Variants in ZBTB20 observed in about 807,000 individuals in gnomAD.
ZBTB20 encodes zinc finger and BTB domain containing 20.
A neutral mutation model predicts 56.9 loss-of-function variants in ZBTB20; 9 were observed. The ratio of observed to expected loss-of-function variants is 0.16; its 90% CI spans 0.10 to 0.28. The LOEUF (loss-of-function observed/expected upper bound fraction) is 0.28, where lower values mean the gene tolerates loss of function less well. ZBTB20 is among the 10% of genes least tolerant of loss of function. The pLI is 1.00. For synonymous variants in ZBTB20, 417 were observed against 420.7 expected (o/e 0.99, Z 0.11); for missense variants, 655 against 1,003.0 (o/e 0.65, Z 4.69).
chr3:114,681,099 A>T (rs946168902), intron 6 of ZBTB20, among the ~76,000 whole-genome samples: 12 of 152,184 alleles, frequency 7.9e-5, no homozygotes, highest in African/African-American at 2.4e-4. Context: ...ATTATCATTT[A>T]AAAACCCTTA....
rs1012318790 is a variant in ZBTB20 at position 114,985,354 on chromosome 3, T to G, written c.-506-10938A>C. 8.5e-5 allele frequency among the ~76,000 whole-genome samples: 13 copies of G among 152,216 alleles called. No homozygotes were observed. In the South Asian group the frequency reaches 2.5e-3, roughly 29 times the overall value. On this transcript the variant is annotated intron_variant, in intron 2 of 11. Coordinates refer to ENST00000675478, the MANE Select transcript of ZBTB20 (RefSeq NM_001348800.3). The stretch of plus-strand genomic sequence containing the variant: ...TTGAATCCTAGGATGAAAAATGCTC[T>G]GTCTCTCAGCATTAATGGGGCACAG...
intron 2 of ZBTB20, among the ~76,000 whole-genome samples, chr3:114,987,622 C>G (rs544231641): frequency 6.6e-6 from 1 of 152,248 alleles, no homozygotes; most frequent in South Asian, 2.1e-4. Context: ...TCCAAAATAA[C>G]ATAGGTTTGC....
chr3:114,717,752 G>T (rs1193729521), intron 5 of ZBTB20, among the ~76,000 whole-genome samples: 1 of 151,884 alleles, frequency 6.6e-6, no homozygotes, highest in Non-Finnish European at 1.5e-5. Flanking sequence ...TTCCAATCAG[G>T]CTTTTATCCG....
chr3:114,743,126 A>G (rs2066745141), intron 5 of ZBTB20, among the ~76,000 whole-genome samples: 1 of 152,174 alleles, frequency 6.6e-6, no homozygotes, highest in Admixed American at 6.5e-5. Flanking sequence ...ACCTGTTCAT[A>G]TCTATGTACA....
intron 3 of ZBTB20, among the ~76,000 whole-genome samples, chr3:114,916,219 TA>T (rs1423824216): frequency 6.6e-6 from 1 of 152,106 alleles, no homozygotes; most frequent in Non-Finnish European, 1.5e-5. Context: ...TTGCTTTATA[TA>T]TCTGGGTGCT....
At chr3:114,897,216 A>G (rs2074920169) in intron 4 of ZBTB20, among the ~76,000 whole-genome samples, 1 of 152,152 alleles carries the variant, frequency 6.6e-6, no homozygotes, top group Non-Finnish European at 1.5e-5. Context: ...ACTAATAATA[A>G]GTGGTGAAGT....
At chr3:114,630,332 C>A (rs887453256) in intron 6 of ZBTB20, among the ~76,000 whole-genome samples, 1 of 152,126 alleles carries the variant, frequency 6.6e-6, no homozygotes, top group Non-Finnish European at 1.5e-5. Context: ...AGCCATAACT[C>A]ATTGGATGGC....
intron 1 of ZBTB20, among the ~76,000 whole-genome samples, chr3:115,113,905 A>G (rs952954056): frequency 6.6e-6 from 1 of 152,144 alleles, no homozygotes; most frequent in African/African-American, 2.4e-5. Context: ...TTTGTAATCA[A>G]TTCCCTGGAT....
chr3:114,534,097 C>G (rs2048175481), intron 6 of ZBTB20, among the ~76,000 whole-genome samples: 1 of 152,132 alleles, frequency 6.6e-6, no homozygotes, highest in South Asian at 2.1e-4. Flanking sequence ...GCAACATTAC[C>G]AGCTAGCATC....
At chr3:114,979,615 T>C (rs1406774936) in intron 2 of ZBTB20, among the ~76,000 whole-genome samples, 2 of 152,062 alleles carry the variant, frequency 1.3e-5, no homozygotes, top group African/African-American at 2.4e-5. Flanking sequence ...CAAGTCTTCA[T>C]TAAATAAAAA....
At chr3:114,684,320 A>G (rs1476611896) in intron 6 of ZBTB20, among the ~76,000 whole-genome samples, 2 of 152,176 alleles carry the variant, frequency 1.3e-5, no homozygotes, top group Non-Finnish European at 2.9e-5. Context: ...GCATTTTGCC[A>G]TAATGGGGCC....
rs2054851381 is a variant in ZBTB20, at chr3:114,583,372, G to T, written c.-294-82981C>A. Among the ~76,000 whole-genome samples the T allele has an allele frequency of 2.6e-5, 4 of 152,234 alleles. 1 individual carries two copies. In the South Asian group the frequency reaches 8.3e-4, roughly 32 times the overall value. On this transcript the variant is annotated intron_variant, in intron 6 of 11. Coordinates refer to ENST00000675478, the MANE Select transcript of ZBTB20 (RefSeq NM_001348800.3). Reference sequence around the variant, plus strand: ...TATCATAACTGCAAAAAGATCAATGGACTTTTTTCTCATGTATTAAACAAA... The same window carrying T: ...TATCATAACTGCAAAAAGATCAATGTACTTTTTTCTCATGTATTAAACAAA...
rs2079422207 is a variant in ZBTB20, at chr3:114,335,469, CA to C, written c.*3535del. ...TGTTTAACTTAAAAGTGAGAATTGA[CA>C]ATCTAAAAGCATCTCTATCCTTTTG... On this transcript the variant is annotated 3_prime_UTR_variant, in exon 12 of 12. Transcript: ENST00000675478. The C allele has an allele frequency of 6.6e-6, 1 of 152,172 alleles. No homozygotes were observed. Among genetic ancestry groups the C allele is most frequent in the Non-Finnish European group, 1.5e-5 (1 of 68,028 alleles). 9.4% of individuals were successfully genotyped at this position (152,172 alleles called of 1,614,324 possible).
At chr3:114,356,002 T>C (rs2081212505) in intron 10 of ZBTB20, 1 of 152,186 alleles carries the variant, frequency 6.6e-6, no homozygotes, top group Non-Finnish European at 1.5e-5. Flanking sequence ...GAAATAGTGA[T>C]AAAAATAGTT....
At chr3:114,638,013 T>C (rs1428233059) in intron 6 of ZBTB20, among the ~76,000 whole-genome samples, 1 of 152,036 alleles carries the variant, frequency 6.6e-6, no homozygotes, top group Non-Finnish European at 1.5e-5. Flanking sequence ...GCCGCAGACC[T>C]CTATTTTGTG....
At chr3:114,934,093 T>C (rs1385245242) in intron 3 of ZBTB20, among the ~76,000 whole-genome samples, 2 of 152,190 alleles carry the variant, frequency 1.3e-5, no homozygotes, top group Non-Finnish European at 2.9e-5. Flanking sequence ...CATTATGTAC[T>C]TGCCCTTTTC....
intron 5 of ZBTB20, among the ~76,000 whole-genome samples, chr3:114,756,498 T>C (rs1214113936): frequency 6.6e-6 from 1 of 152,194 alleles, no homozygotes. Context: ...ATAAAGTGTA[T>C]ATTTCTGAAA....
chr3:114,461,557 G>C (rs1261881228), intron 7 of ZBTB20, among the ~76,000 whole-genome samples: 1 of 152,124 alleles, frequency 6.6e-6, no homozygotes, highest in Non-Finnish European at 1.5e-5. Flanking sequence ...CCTCCCACTT[G>C]GGCCTCCTAA....
intron 4 of ZBTB20, among the ~76,000 whole-genome samples, chr3:114,854,594 C>A (rs2075154414): frequency 6.6e-6 from 1 of 152,208 alleles, no homozygotes; most frequent in Non-Finnish European, 1.5e-5. Context: ...TGGAGTCAGA[C>A]AGACCTGGTT....
Sources: allele counts gnomAD v4.1 joint callset (sites outside exome capture counted in the v4.1 genomes callset), GRCh38; gene constraint gnomAD v4.1.1; transcripts MANE v1.5; gene names NCBI Gene and HGNC (gene_info 2026-07-23, HGNC 2026-07-21).